The following CAMK1 variants were observed in gnomAD, a reference collection of about 807,000 sequenced individuals.
CAMK1 encodes the protein calcium/calmodulin dependent protein kinase I.
Under a neutral mutation model 49.1 loss-of-function variants are expected in CAMK1, and 39 were observed. The observed-to-expected ratio is 0.79, with a 90% CI of 0.62 to 1.04. The LOEUF is 1.04. CAMK1 is among the 50% of genes least tolerant of loss of function. CAMK1 has a pLI of 0.00. For synonymous variants in CAMK1, 192 were observed against 185.2 expected, an observed-to-expected ratio of 1.04 and a Z score of -0.30; for missense variants, 457 against 472.2, an observed-to-expected ratio of 0.97 and a Z score of 0.30.
chr3:9,757,457 A>C lies in CAMK1; in HGVS notation c.*82T>G. On this transcript the variant is annotated 3_prime_UTR_variant, in exon 12 of 12. Coordinates refer to ENST00000256460, the MANE Select transcript of CAMK1 (RefSeq NM_003656.5). The surrounding 1 kb of genome is among the most constrained non-coding windows in gnomAD (Gnocchi z 4.5). Reference sequence around the variant, plus strand: ...AGGTGAGGAGGGGACAGGGCAGAGAAACTCCCGGTTCAGGGAGGGAAGGGG... The same window carrying C: ...AGGTGAGGAGGGGACAGGGCAGAGACACTCCCGGTTCAGGGAGGGAAGGGG... The C allele has an allele frequency of 3.7e-6, 6 of 1,603,432 alleles. No individual in the cohort carries two copies. The highest frequency in any genetic ancestry group is 5.1e-6 in the Non-Finnish European group (6 of 1,173,084).
chr3:9,764,009 T>C (rs950052598), intron 3 of CAMK1, among the ~76,000 whole-genome samples: 5 of 152,040 alleles, frequency 3.3e-5, no homozygotes, highest in Non-Finnish European at 7.4e-5. Context: ...TATATATAGT[T>C]TTCTGTGTTT....
intron 3 of CAMK1, among the ~76,000 whole-genome samples, chr3:9,764,384 C>G (rs2125587877): frequency 6.6e-6 from 1 of 152,136 alleles, no homozygotes; most frequent in Non-Finnish European, 1.5e-5. Flanking sequence ...ATGATCTTGG[C>G]TCATCACAAT....
chr3:9,765,776 C>A lies in CAMK1; in HGVS notation c.198G>T (p.Glu66Asp). The change falls in exon 3 of 12, where the codon GAG (glutamate) becomes GAT (aspartate). Residue 66 changes from glutamate to aspartate, a missense_variant. Coordinates refer to ENST00000256460, the MANE Select transcript of CAMK1 (RefSeq NM_003656.5). ...LEGKEGSMEN[E>D]IAVLHKIKHP... ...CCACGCACTTGTGCAGGACAGCAAT[C>A]TCATTCTCCATGCTGCCTTCCTTGC... The A allele has an allele frequency of 1.2e-6, 2 of 1,614,072 alleles. No individual in the cohort carries two copies. Among genetic ancestry groups the A allele is most frequent in the South Asian group, 2.2e-5 (2 of 91,088 alleles).
intron 2 of CAMK1, chr3:9,766,266 A>G: frequency 1.4e-6 from 1 of 705,368 alleles, no homozygotes; most frequent in Non-Finnish European, 2.6e-6. Flanking sequence ...AAATGGCCAA[A>G]TATATTTCCT....
In CAMK1 at chr3:9,768,103, A is replaced by G. The variant is rs569763083; in HGVS notation, c.-32-322T>C. ...AAACCCTGACTTCTGGCAGTACAAC[A>G]GATAAACCCCCAGAGCAGCTGGTAG... On this transcript the variant is annotated intron_variant, in intron 1 of 11. Coordinates refer to ENST00000256460, the MANE Select transcript of CAMK1 (RefSeq NM_003656.5). 1.2e-4 allele frequency among the ~76,000 whole-genome samples: 19 copies of G among 152,210 alleles called. 1 individual carries two copies. Among genetic ancestry groups the G allele is most frequent in the African/African-American group, 4.3e-4 (18 of 41,546 alleles).
In CAMK1 at chr3:9,757,529, G is replaced by A; in HGVS notation, c.*10C>T. ...CCCACGCAGAGGATCATGACCCGAG[G>A]TCCAGGGCCCTAGAGCTGGTGGGGC... On this transcript the variant is annotated 3_prime_UTR_variant, in exon 12 of 12. Transcript: ENST00000256460. The surrounding 1 kb of genome is among the most constrained non-coding windows in gnomAD (Gnocchi z 4.5). The A allele has an allele frequency of 1.2e-6, 2 of 1,611,232 alleles. No individual in the cohort carries two copies. Among genetic ancestry groups the A allele is most frequent in the South Asian group, 1.1e-5 (1 of 90,966 alleles).
At chr3:9,764,741 T>G (rs2078071592) in intron 3 of CAMK1, among the ~76,000 whole-genome samples, 1 of 148,640 alleles carries the variant, frequency 6.7e-6, no homozygotes, top group Non-Finnish European at 1.5e-5. Context: ...TAAGCAATTC[T>G]CCTGCCTCAG....
intron 3 of CAMK1, among the ~76,000 whole-genome samples, chr3:9,763,469 C>A (rs906062733): frequency 1.3e-5 from 2 of 151,758 alleles, no homozygotes; most frequent in African/African-American, 4.8e-5. Context: ...AACCCCCGAC[C>A]ACTGCCTACA....
intron 2 of CAMK1, chr3:9,766,433 G>A (rs1003694295): frequency 8.8e-5 from 39 of 443,322 alleles, no homozygotes; most frequent in African/African-American, 7.6e-4. Flanking sequence ...GCATCACCCG[G>A]GAACTTTTTT....
intron 5 of CAMK1, 73 bp downstream of exon 5, chr3:9,762,841 G>C: frequency 2.0e-6 from 3 of 1,507,590 alleles, no homozygotes; most frequent in African/African-American, 1.4e-5. Context: ...AGTTGCCCAA[G>C]GTCAGACAGT....
chr3:9,760,602 G>C, intron 8 of CAMK1, 54 bp downstream of exon 8: 3 of 1,580,332 alleles, frequency 1.9e-6, no homozygotes, highest in East Asian at 2.2e-5. Flanking sequence ...CCCAAAGCAG[G>C]TGAGGGAGGA....
At chr3:9,760,530 G>A (rs1017130245) in intron 8 of CAMK1, 126 bp downstream of exon 8, 19 of 928,820 alleles carry the variant, frequency 2.0e-5, no homozygotes, top group African/African-American at 1.3e-4. Flanking sequence ...GTCTGGTCTC[G>A]AAGACAGCTC....
intron 5 of CAMK1, 31 bp downstream of exon 5, chr3:9,762,883 C>T: frequency 6.2e-7 from 1 of 1,611,982 alleles, no homozygotes; most frequent in Non-Finnish European, 8.5e-7. Context: ...CCCCTGGGTA[C>T]CCTAGCTCAC....
Position 9,761,748 on chromosome 3 carries a change from G to T in CAMK1, c.439C>A (p.Leu147Met), listed in dbSNP as rs1553703907. 2 of 1,614,108 alleles carry T rather than the reference G, an allele frequency of 1.2e-6. No homozygotes were observed. The highest frequency in any genetic ancestry group is 1.1e-5 in the South Asian group (1 of 91,080). Residue 147 changes from leucine to methionine, a missense_variant, in exon 6 of 12, where the codon CTG (leucine) becomes ATG (methionine). Leu to Met is a conservative substitution (Grantham distance 15, BLOSUM62 2). Coordinates refer to ENST00000256460, the MANE Select transcript of CAMK1 (RefSeq NM_003656.5). Reference protein sequence around the residue: ...IVHRDLKPENLLYYSLDEDSK... With the variant: ...IVHRDLKPENMLYYSLDEDSK... ...TCTTCATCCAGGCTGTAGTACAGCA[G>T]ATTCTCTGGCTTGAAGGGCAGGAGG...
intron 3 of CAMK1, among the ~76,000 whole-genome samples, chr3:9,764,632 T>G (rs532143728): frequency 4.1e-5 from 6 of 147,212 alleles, no homozygotes; most frequent in East Asian, 2.0e-4. Flanking sequence ...TTTTTTGTTT[T>G]TTTTTTTTTT....
intron 7 of CAMK1, chr3:9,761,241 T>G: frequency 2.0e-6 from 1 of 489,902 alleles, no homozygotes; most frequent in Non-Finnish European, 3.6e-6. Context: ...GGCAGGCACT[T>G]TGTCTGGTTT....
rs771650402 is a variant in CAMK1, at chr3:9,759,573, A to G, written c.827T>C (p.Ile276Thr). The G allele has an allele frequency of 1.7e-5, 28 of 1,613,940 alleles. No individual in the cohort carries two copies. In the East Asian group the frequency reaches 2.2e-4, roughly 13 times the overall value. Reference protein sequence around the residue: ...TCEQALQHPWIAGDTALDKNI... With the variant: ...TCEQALQHPWTAGDTALDKNI... ...CTTATCTAGAGCTGTATCTCCTGCAATCCTAGGATGGGGTTATGTGGTGGG... is the reference window on the plus strand; with the variant it reads ...CTTATCTAGAGCTGTATCTCCTGCAGTCCTAGGATGGGGTTATGTGGTGGG... Residue 276 changes from isoleucine (I) to threonine (T), a missense_variant and splice_region_variant, in exon 10 of 12, where the codon ATT (isoleucine) becomes ACT (threonine). Ile to Thr is a moderately conservative substitution (Grantham distance 89). Transcript: ENST00000256460.
At chr3:9,760,979 T>A in intron 7 of CAMK1, 1 of 630,670 alleles carries the variant, frequency 1.6e-6, no homozygotes, top group Non-Finnish European at 2.6e-6. Flanking sequence ...TCAGGGCCTT[T>A]GCACTTGCCA....
At chr3:9,761,874 TCA>T in intron 5 of CAMK1, 117 bp from the exon 6 acceptor site, 1 of 1,440,768 alleles carries the variant, frequency 6.9e-7, no homozygotes, top group Non-Finnish European at 9.2e-7. Flanking sequence ...CACTGTGGCT[TCA>T]TGGCTGTCAT....
Sources: allele counts gnomAD v4.1 joint callset (sites outside exome capture counted in the v4.1 genomes callset), GRCh38; gene constraint gnomAD v4.1.1; non-coding constraint Gnocchi (gnomAD v3.1); transcripts MANE v1.5; gene names NCBI Gene and HGNC (gene_info 2026-07-23, HGNC 2026-07-21).